The following URI1 variants were observed in gnomAD, a reference collection of about 807,000 sequenced individuals.
URI1 encodes unconventional prefoldin RPB5 interactor 1.
Under a neutral mutation model 60.2 loss-of-function variants are expected in URI1, and 39 were observed. That is an observed-to-expected ratio of 0.65 (90% CI 0.50 to 0.85). URI1 has a LOEUF of 0.85. URI1 is among the 40% of genes least tolerant of loss of function. The pLI, the probability that URI1 is intolerant of heterozygous loss-of-function variation, is 0.00. For missense variants in URI1, 691 were observed against 665.9 expected (o/e 1.04, Z -0.42); for synonymous variants, 251 against 236.8 (o/e 1.06, Z -0.55).
chr19:29,970,948 TG>T (rs2055452041), intron 1 of URI1: 2 of 505,180 alleles, frequency 4.0e-6, no homozygotes, highest in Non-Finnish European at 7.1e-6. Flanking sequence ...AAGCGGGTTT[TG>T]TACCAAAGTA....
chr19:29,965,263 A>G (rs1458706196), intron 1 of URI1, among the ~76,000 whole-genome samples: 1 of 152,188 alleles, frequency 6.6e-6, no homozygotes, highest in Non-Finnish European at 1.5e-5. Context: ...TATTGTGGCT[A>G]CAGACGGAGA....
At chr19:29,970,181 G>T (rs1191582158) in intron 1 of URI1, among the ~76,000 whole-genome samples, 1 of 114,634 alleles carries the variant, frequency 8.7e-6, no homozygotes, top group Non-Finnish European at 1.7e-5. Flanking sequence ...GTGAAACATT[G>T]AGCATATACA....
chr19:29,971,299 T>C, intron 2 of URI1, 72 bp downstream of exon 2: 1 of 1,507,860 alleles, frequency 6.6e-7, no homozygotes, highest in South Asian at 1.1e-5. Context: ...AAATAATGTG[T>C]TTACTGTTTG....
At chr19:29,986,166 C>T in intron 3 of URI1, 116 bp from the exon 4 acceptor site, 8 of 1,014,640 alleles carry the variant, frequency 7.9e-6, no homozygotes, top group South Asian at 2.7e-5. Flanking sequence ...TTTATTTTTC[C>T]CAATGTATAA....
intron 4 of URI1, among the ~76,000 whole-genome samples, chr19:29,993,854 T>G (rs529758707): frequency 6.6e-6 from 1 of 152,210 alleles, no homozygotes; most frequent in African/African-American, 2.4e-5. Context: ...CATAGACTTA[T>G]GCATTCCTAC....
At chr19:29,946,104 A>G (rs1271415031) in intron 1 of URI1, among the ~76,000 whole-genome samples, 1 of 152,058 alleles carries the variant, frequency 6.6e-6, no homozygotes, top group Non-Finnish European at 1.5e-5. Flanking sequence ...TTCATTTGTT[A>G]TAAGATACAG....
chr19:29,971,987 G>A (rs1261137654), intron 2 of URI1, among the ~76,000 whole-genome samples: 1 of 152,040 alleles, frequency 6.6e-6, no homozygotes, highest in African/African-American at 2.4e-5. Context: ...CTTTAGTGGT[G>A]AGATTAAACC....
intron 9 of URI1, among the ~76,000 whole-genome samples, chr19:30,011,533 T>A (rs545942431): frequency 7.9e-5 from 12 of 151,716 alleles, no homozygotes; most frequent in Non-Finnish European, 1.8e-4. Context: ...TTGTTTCCAG[T>A]GGGCTAGGTC....
chr19:29,996,589 TTTTA>T (rs1356082121), intron 4 of URI1, among the ~76,000 whole-genome samples: 3 of 152,086 alleles, frequency 2.0e-5, no homozygotes, highest in African/African-American at 7.2e-5. Flanking sequence ...TTTGGAGGCT[TTTTA>T]TTTGTTTTTC....
intron 1 of URI1, among the ~76,000 whole-genome samples, chr19:29,964,459 GTTTTGTTTTTTTTT>G (rs2055365814): frequency 1.5e-5 from 2 of 133,350 alleles, no homozygotes; most frequent in Admixed American, 7.5e-5. Flanking sequence ...TTTGTTTTTT[GTTTTGTTTTTTTTT>G]TTTTTTTTGA....
In URI1 at chr19:29,986,382, A is replaced by G; in HGVS notation, c.332A>G (p.Lys111Arg). 6.2e-7 allele frequency: 1 copy of G among 1,610,108 alleles called. No homozygotes were observed. Among genetic ancestry groups the G allele is most frequent in the Middle Eastern group, 1.7e-4 (1 of 6,060 alleles). ...AACTGGTTTGCAAAGTGCTCAGCAA[A>G]GCAGGCTGTAGGTTTAGTTGAGCAC... Reference protein sequence around the residue: ...GDNWFAKCSAKQAVGLVEHRK... With the variant: ...GDNWFAKCSARQAVGLVEHRK... Residue 111 changes from lysine to arginine, a missense_variant, in exon 4 of 11, where the codon AAG (lysine) becomes AGG (arginine). Lys to Arg is a conservative substitution (Grantham distance 26). Coordinates refer to ENST00000392271, the MANE Select transcript of URI1 (RefSeq NM_003796.3).
At chr19:29,981,883 A>T (rs980769263) in intron 2 of URI1, among the ~76,000 whole-genome samples, 2 of 152,336 alleles carry the variant, frequency 1.3e-5, no homozygotes, top group South Asian at 4.1e-4. Flanking sequence ...TAGAAAAAAA[A>T]ATCTGTTCAA....
chr19:30,010,628 T>G (rs1009356999), intron 8 of URI1, among the ~76,000 whole-genome samples: 10 of 152,290 alleles, frequency 6.6e-5, no homozygotes, highest in Middle Eastern at 6.8e-3. Context: ...GGTTTTTATT[T>G]TTTTACTCCT....
intron 1 of URI1, among the ~76,000 whole-genome samples, chr19:29,966,813 A>G (rs533915153): frequency 6.6e-6 from 1 of 152,360 alleles, no homozygotes; most frequent in South Asian, 2.1e-4. Context: ...AGCAAACTAT[A>G]TAAATTTAGA....
At chr19:29,961,837 C>T (rs2055329472) in intron 1 of URI1, among the ~76,000 whole-genome samples, 1 of 152,074 alleles carries the variant, frequency 6.6e-6, no homozygotes, top group African/African-American at 2.4e-5. Flanking sequence ...AGGCATGCAC[C>T]ACCACCCCTG....
At chr19:29,949,620 A>G (rs769526105) in intron 1 of URI1, among the ~76,000 whole-genome samples, 3 of 152,220 alleles carry the variant, frequency 2.0e-5, no homozygotes, top group Non-Finnish European at 4.4e-5. Flanking sequence ...CCTGGGCAAC[A>G]TTGAGCACTG....
intron 1 of URI1, chr19:29,923,760 T>C (rs927291196): frequency 1.3e-6 from 2 of 1,536,452 alleles, no homozygotes; most frequent in African/African-American, 1.4e-5. Context: ...CATTGGTGAG[T>C]TGAAGCTTGA....
intron 1 of URI1, among the ~76,000 whole-genome samples, chr19:29,951,553 T>C (rs2055180084): frequency 1.4e-5 from 2 of 142,018 alleles, no homozygotes; most frequent in South Asian, 4.4e-4. Flanking sequence ...GCATGCATTC[T>C]TTTTTTTTTT....
intron 1 of URI1, among the ~76,000 whole-genome samples, chr19:29,968,635 G>A (rs558219534): frequency 8.1e-5 from 10 of 123,282 alleles, no homozygotes; most frequent in African/African-American, 3.1e-4. Flanking sequence ...GCAGTGGCGC[G>A]ATCTCGGCTC....
Sources: allele counts gnomAD v4.1 joint callset (sites outside exome capture counted in the v4.1 genomes callset), GRCh38; gene constraint gnomAD v4.1.1; transcripts MANE v1.5; gene names NCBI Gene and HGNC (gene_info 2026-07-23, HGNC 2026-07-21).